Variants in AFAP1L2 observed in about 807,000 individuals in gnomAD.
The protein encoded by AFAP1L2 is actin filament associated protein 1 like 2, also known as actin filament-associated protein 1-like 2.
A neutral mutation model predicts 99.3 loss-of-function variants in AFAP1L2; 46 were observed. That is an observed-to-expected ratio of 0.46 (90% CI 0.37 to 0.59). The LOEUF is 0.59. Among genes scored for constraint, AFAP1L2 ranks in the 20% least tolerant of loss-of-function variants. AFAP1L2 has a pLI of 0.00. For missense variants in AFAP1L2, 959 were observed against 1,034.9 expected (o/e 0.93, Z 1.01); for synonymous variants, 397 against 419.1 (o/e 0.95, Z 0.64).
intron 7 of AFAP1L2, among the ~76,000 whole-genome samples, chr10:114,312,455 C>T (rs530699301): frequency 1.3e-5 from 2 of 152,210 alleles, no homozygotes; most frequent in South Asian, 4.2e-4. Flanking sequence ...AAGAAACCAA[C>T]AGCCCAGAGC....
downstream of AFAP1L2, among the ~76,000 whole-genome samples, chr10:114,292,151 C>T (rs556498305): frequency 1.3e-5 from 2 of 152,084 alleles, no homozygotes; most frequent in Non-Finnish European, 2.9e-5. Context: ...GTGGTGGATG[C>T]CTATAATCCC....
chr10:114,314,627 G>A (rs1006551996), intron 6 of AFAP1L2, among the ~76,000 whole-genome samples: 5 of 152,194 alleles, frequency 3.3e-5, no homozygotes, highest in African/African-American at 4.8e-5. Context: ...ACATTGGCAC[G>A]GAGCAGGGCC....
intron 1 of AFAP1L2, 151 bp from the exon 2 acceptor site, chr10:114,340,882 C>G (rs753823075): frequency 2.8e-6 from 3 of 1,086,616 alleles, no homozygotes; most frequent in Non-Finnish European, 4.1e-6. Context: ...TATGGGGGGA[C>G]TGGGCAGAAG....
chr10:114,304,896 C>T lies in AFAP1L2; in HGVS notation c.1107G>A (p.Lys369=), dbSNP rs371478225. 6.2e-7 allele frequency: 1 copy of T among 1,613,312 alleles called. No homozygotes were observed. The highest frequency in any genetic ancestry group is 1.3e-5 in the African/African-American group (1 of 75,008). Residue 369 remains lysine, a synonymous_variant, in exon 11 of 19, where the codon AAG becomes AAA. Coordinates refer to ENST00000304129, the MANE Select transcript of AFAP1L2 (RefSeq NM_001001936.3). ...TGTCCCTGACAGAGCACCAGCGAGA[C>T]TTCCACTGGCTGTTCACCAGCACGT... ...YLNVLVNSQW[K]SRWCSVRDNH... is the part of the protein sequence containing the mutation.
At chr10:114,286,486 G>T in the AFAP1L2 span, 5 of 1,587,140 alleles carry the variant, frequency 3.2e-6, no homozygotes, top group Non-Finnish European at 3.4e-6. Flanking sequence ...AGCTGCAGGG[G>T]AAGCTGTGCA....
At chr10:114,299,672 C>A (rs1030697540) in intron 15 of AFAP1L2, among the ~76,000 whole-genome samples, 1 of 152,228 alleles carries the variant, frequency 6.6e-6, no homozygotes, top group Non-Finnish European at 1.5e-5. Flanking sequence ...TGTCTGTGAG[C>A]GTGTTGCCAA....
chr10:114,359,459 G>GA (rs1225669898), intron 1 of AFAP1L2, among the ~76,000 whole-genome samples: 2 of 152,218 alleles, frequency 1.3e-5, no homozygotes, highest in Non-Finnish European at 2.9e-5. Context: ...GAAGGAGGCT[G>GA]AAGGAACATC....
chr10:114,317,989 T>C (rs891828923), intron 5 of AFAP1L2, among the ~76,000 whole-genome samples: 10 of 152,216 alleles, frequency 6.6e-5, no homozygotes, highest in African/African-American at 2.4e-4. Context: ...TCCATGCAAC[T>C]GTAATCATTT....
chr10:114,286,200 C>A, the AFAP1L2 span: 248 of 1,613,988 alleles, frequency 1.5e-4, no homozygotes, highest in Admixed American at 1.0e-3. Flanking sequence ...GGTGGCCCCA[C>A]CCTGACGGGC....
intron 16 of AFAP1L2, 62 bp from the exon 17 acceptor site, chr10:114,297,475 C>T: frequency 4.5e-6 from 7 of 1,548,804 alleles, no homozygotes; most frequent in Non-Finnish European, 6.1e-6. Context: ...GGGAGCCCTG[C>T]TGGGTGGAGG....
the AFAP1L2 span, chr10:114,281,893 A>G: frequency 1.7e-5 from 4 of 230,442 alleles, no homozygotes; most frequent in African/African-American, 7.0e-5. Context: ...CCAGTTCCCA[A>G]TATTTCTCTC....
chr10:114,337,671 T>C (rs2048187116), intron 2 of AFAP1L2, among the ~76,000 whole-genome samples: 1 of 152,136 alleles, frequency 6.6e-6, no homozygotes, highest in Non-Finnish European at 1.5e-5. Flanking sequence ...GGAAGCCACA[T>C]CATAGGTTAA....
intron 1 of AFAP1L2, among the ~76,000 whole-genome samples, chr10:114,350,232 G>A (rs1300247472): frequency 1.3e-5 from 2 of 152,156 alleles, no homozygotes; most frequent in Non-Finnish European, 2.9e-5. Flanking sequence ...GTCCTACCAA[G>A]GGCCACATCC....
chr10:114,310,413 C>T lies in AFAP1L2; in HGVS notation c.823G>A (p.Glu275Lys), dbSNP rs367978439. Residue 275 changes from glutamate to lysine, a missense_variant, in exon 8 of 19, where the codon GAA becomes AAA. Coordinates refer to ENST00000304129, the MANE Select transcript of AFAP1L2 (RefSeq NM_001001936.3). ...VIQEVSGLPS[E>K]GASEGNQYTP... ...TACTGGTTTCCTTCAGATGCTCCTT[C>T]GGAAGGCAGGCCGCTCACTTCCTGG... 2.3e-5 allele frequency: 37 copies of T among 1,613,976 alleles called. No individual in the cohort carries two copies. Among genetic ancestry groups the T allele is most frequent in the South Asian group, 7.7e-5 (7 of 91,054 alleles).
intron 14 of AFAP1L2, 38 bp from the exon 15 acceptor site, chr10:114,300,400 G>A: frequency 6.2e-7 from 1 of 1,610,914 alleles, no homozygotes; most frequent in Admixed American, 1.7e-5. Context: ...CTGGCTGAAG[G>A]GGCGCAGGAA....
At position 114,354,443 on chromosome 10, in the gene AFAP1L2, G is replaced by T. The variant is rs190427191; in HGVS notation, c.17-13712C>A. On this transcript the variant is annotated intron_variant, in intron 1 of 18. Coordinates refer to ENST00000304129, the MANE Select transcript of AFAP1L2 (RefSeq NM_001001936.3). ...TGAAGAAGTTAGAGAACAATAATGA[G>T]TGGAAATTAATCATTTGGTCTATTT... is the stretch of plus-strand genomic sequence containing the variant. 2.0e-5 allele frequency among the ~76,000 whole-genome samples: 3 copies of T among 152,298 alleles called. No homozygotes were observed. In the East Asian group the frequency reaches 5.8e-4, roughly 29 times the overall value.
In AFAP1L2 at chr10:114,296,947, GC is replaced by G. The variant is rs746645425; in HGVS notation, c.2430+30del. 5 of 1,613,816 alleles carry G rather than the reference GC, an allele frequency of 3.1e-6. No homozygotes were observed. The East Asian group carries it at 1.1e-4, about 36-fold the overall frequency. Reference sequence around the variant, plus strand: ...CCCTACCTTAGTGACATTTCTGCTGGCCCCAAGGGAGGCTGGGAGTGACTGC... The same window carrying G: ...CCCTACCTTAGTGACATTTCTGCTGGCCCAAGGGAGGCTGGGAGTGACTGC... On this transcript the variant is annotated intron_variant, in intron 18 of 18. Transcript: ENST00000304129.
chr10:114,328,873 ACAC>A (rs1360258908), intron 4 of AFAP1L2, among the ~76,000 whole-genome samples: 5 of 152,288 alleles, frequency 3.3e-5, no homozygotes, highest in African/African-American at 9.6e-5. Flanking sequence ...CTACATCCCC[ACAC>A]CACATCTGGA....
chr10:114,330,431 C>T (rs2047067854), intron 4 of AFAP1L2, among the ~76,000 whole-genome samples: 1 of 152,204 alleles, frequency 6.6e-6, no homozygotes, highest in Admixed American at 6.5e-5. Context: ...AGGAAAGAAC[C>T]TGGGTTCAAA....
Sources: gnomAD v4.1 joint callset for allele counts (sites outside exome capture counted in the v4.1 genomes callset) on GRCh38, gnomAD v4.1.1 for gene constraint, MANE v1.5 for transcripts, NCBI Gene and HGNC (gene_info 2026-07-23, HGNC 2026-07-21) for gene names.